The following NDP variants were observed in gnomAD, a reference collection of about 807,000 sequenced individuals.
NDP encodes norrin cystine knot growth factor NDP.
NDP carries 2 observed loss-of-function variants against 8.4 expected under a neutral mutation model. The observed-to-expected ratio is 0.24, with a 90% CI of 0.10 to 0.75. The LOEUF is 0.75. Among genes scored for constraint, NDP ranks in the 30% least tolerant of loss-of-function variants. The pLI is 0.73. For missense variants in NDP, 81 were observed against 110.1 expected (o/e 0.74, Z 1.18); for synonymous variants, 55 against 45.6 (o/e 1.21, Z -0.83).
At chrX:43,963,996 AG>A (rs2035842420) in intron 1 of NDP, among the ~76,000 whole-genome samples, 1 of 112,104 alleles carries the variant, frequency 8.9e-6, no homozygotes, top group South Asian at 3.7e-4. Flanking sequence ...GGCAGGCAAA[AG>A]GTCAGTGGGG....
In NDP at chrX:43,962,241, AG is replaced by A. The variant is rs746560412; in HGVS notation, c.-207-3390del. Among the ~76,000 whole-genome samples the A allele has an allele frequency of 8.3e-3, 917 of 111,123 alleles. 6 individuals are homozygous for A. The highest frequency in any genetic ancestry group is 0.013 in the Non-Finnish European group (707 of 52,981). ...CAGAACCCTCAAAACAAAAACAAAAAGGTAAGATTCTGAAAACATAACCTGG... is the reference window on the plus strand; with the variant it reads ...CAGAACCCTCAAAACAAAAACAAAAAGTAAGATTCTGAAAACATAACCTGG... On this transcript the variant is annotated intron_variant, in intron 1 of 2. Transcript: ENST00000642620.
intron 1 of NDP, among the ~76,000 whole-genome samples, chrX:43,965,804 G>T (rs2035854905): frequency 8.9e-6 from 1 of 111,748 alleles, no homozygotes; most frequent in Admixed American, 9.5e-5. Context: ...AGTAGTCTTG[G>T]GGTCAAGAGC....
intron 1 of NDP, among the ~76,000 whole-genome samples, chrX:43,962,543 T>C (rs970900625): frequency 5.4e-5 from 6 of 111,983 alleles, no homozygotes; most frequent in African/African-American, 1.9e-4. Context: ...GCAGCTTCTG[T>C]TGTTTTCTCA....
chrX:43,965,049 A>G (rs184027615), intron 1 of NDP, among the ~76,000 whole-genome samples: 1 of 112,580 alleles, frequency 8.9e-6, no homozygotes, highest in East Asian at 2.8e-4. Flanking sequence ...AAATAAAAAC[A>G]GCCGTTAATA....
At chrX:43,965,283 G>A (rs2035851241) in intron 1 of NDP, among the ~76,000 whole-genome samples, 1 of 110,350 alleles carries the variant, frequency 9.1e-6, no homozygotes, top group Admixed American at 9.7e-5. Flanking sequence ...GCCAGGCATG[G>A]TGGTACACGC....
intron 1 of NDP, among the ~76,000 whole-genome samples, chrX:43,963,345 G>GA (rs2035837702): frequency 1.7e-5 from 1 of 57,577 alleles, no homozygotes; most frequent in Non-Finnish European, 3.9e-5. Context: ...TTTCCTGGAT[G>GA]GTTTTTAGAC....
At chrX:43,958,877 T>TC (rs760751508) in intron 1 of NDP, 25 bp from the exon 2 acceptor site, 13 of 400,574 alleles carry the variant, frequency 3.2e-5, no homozygotes, top group Non-Finnish European at 5.3e-5. Flanking sequence ...GAAATTACTT[T>TC]CCCCAGAATT....
At chrX:43,971,949 A>G (rs1313577733) in intron 1 of NDP, among the ~76,000 whole-genome samples, 4 of 111,793 alleles carry the variant, frequency 3.6e-5, no homozygotes, top group Non-Finnish European at 7.5e-5. Flanking sequence ...GAAAATGAGC[A>G]GATATTTGCA....
In NDP at chrX:43,958,456, G is replaced by A. The variant is rs1280117761; in HGVS notation, c.174+16C>T. On this transcript the variant is annotated intron_variant, in intron 2 of 2. Transcript: ENST00000642620. ...TTCTGAGGGAAATGCTCTCCTCACA[G>A]AGACCTTGGTCTTACCTTTGAGCTA... 1 of 1,207,184 alleles carries A rather than the reference G, an allele frequency of 8.3e-7. No individual in the cohort carries two copies. Among genetic ancestry groups the A allele is most frequent in the South Asian group, 1.8e-5 (1 of 56,885 alleles).
At chrX:43,968,822 C>A (rs1228883562) in intron 1 of NDP, among the ~76,000 whole-genome samples, 2 of 112,436 alleles carry the variant, frequency 1.8e-5, no homozygotes, top group African/African-American at 6.5e-5. Context: ...TCTTCTCTTT[C>A]TTTCCCTTTC....
chrX:43,963,091 C>T (rs989328305), intron 1 of NDP, among the ~76,000 whole-genome samples: 5 of 112,195 alleles, frequency 4.5e-5, no homozygotes, highest in African/African-American at 1.6e-4. Flanking sequence ...GCTTGCCAGG[C>T]ACAGGAGGGT....
intron 2 of NDP, among the ~76,000 whole-genome samples, chrX:43,957,781 A>G (rs1300778916): frequency 9.9e-6 from 1 of 101,425 alleles, no homozygotes; most frequent in Non-Finnish European, 2.0e-5. Flanking sequence ...AGGGGCAGTG[A>G]CAGTCGTGAG....
chrX:43,955,202 G>C (rs2035785581), intron 2 of NDP, among the ~76,000 whole-genome samples: 1 of 112,214 alleles, frequency 8.9e-6, no homozygotes, highest in Non-Finnish European at 1.9e-5. Flanking sequence ...AGCAGTTATT[G>C]AGATCTCAGT....
At chrX:43,962,396 C>T (rs1487360671) in intron 1 of NDP, among the ~76,000 whole-genome samples, 3 of 109,564 alleles carry the variant, frequency 2.7e-5, no homozygotes, top group Non-Finnish European at 3.8e-5. Context: ...TTGTGTTGCT[C>T]AGGGTGTGCA....
chrX:43,973,244 G>A (rs1334265449), intron 1 of NDP, 60 bp downstream of exon 1: 1 of 111,782 alleles, frequency 8.9e-6, no homozygotes, highest in African/African-American at 3.3e-5. Context: ...AGGATGAAAT[G>A]CTCGGTTTGG....
intron 1 of NDP, among the ~76,000 whole-genome samples, chrX:43,968,259 G>A (rs1031590110): frequency 1.8e-5 from 2 of 112,129 alleles, no homozygotes; most frequent in African/African-American, 6.5e-5. Context: ...TGACCATCAG[G>A]CTCTGAGAAC....
chrX:43,950,413 A>G (rs1485029964), intron 2 of NDP, among the ~76,000 whole-genome samples: 1 of 108,561 alleles, frequency 9.2e-6, no homozygotes, highest in African/African-American at 3.4e-5. Context: ...CAAAATGCAG[A>G]AAGTCAATCC....
intron 1 of NDP, among the ~76,000 whole-genome samples, chrX:43,961,125 T>G (rs1394921615): frequency 8.9e-6 from 1 of 112,717 alleles, no homozygotes; most frequent in Non-Finnish European, 1.9e-5. Flanking sequence ...TTGAAATACA[T>G]TGTTCAACCA....
chrX:43,960,162 G>A (rs748290027), intron 1 of NDP, among the ~76,000 whole-genome samples: 1 of 111,580 alleles, frequency 9.0e-6, no homozygotes, highest in African/African-American at 3.3e-5. Flanking sequence ...TGTGCCTCAG[G>A]GAAGTCCTAT....
Sources: gnomAD v4.1 joint callset for allele counts (sites outside exome capture counted in the v4.1 genomes callset) on GRCh38, gnomAD v4.1.1 for gene constraint, MANE v1.5 for transcripts, NCBI Gene and HGNC (gene_info 2026-07-23, HGNC 2026-07-21) for gene names.